Variants in DBNDD1 observed in about 807,000 individuals in gnomAD.
The protein encoded by DBNDD1 is dysbindin domain-containing protein 1.
In DBNDD1, 14 loss-of-function variants were observed where a neutral mutation model predicts 17.0. The ratio of observed to expected loss-of-function variants is 0.82; its 90% CI spans 0.54 to 1.29. DBNDD1 has a LOEUF of 1.29. Ranked by LOEUF, DBNDD1 falls within the 50% of genes most tolerant of loss-of-function variation. DBNDD1 has a pLI of 0.00. For synonymous variants in DBNDD1, 105 were observed against 102.0 expected (o/e 1.03, Z -0.18); for missense variants, 221 against 216.2 (o/e 1.02, Z -0.14).
upstream of DBNDD1, chr16:90,019,663 C>A: frequency 4.5e-6 from 2 of 448,838 alleles, no homozygotes; most frequent in Non-Finnish European, 3.9e-6. This position sits in a 1 kb window ranked among gnomAD's most constrained non-coding sequence, Gnocchi z 6.1. Flanking sequence ...CCGCCGCGGA[C>A]ACCACCGGGA....
At position 90,006,279 on chromosome 16, in the gene DBNDD1, A is replaced by T; in HGVS notation, c.*56T>A. The T allele has an allele frequency of 6.5e-7, 1 of 1,548,670 alleles. No homozygotes were observed. Among genetic ancestry groups the T allele is most frequent in the Non-Finnish European group, 8.7e-7 (1 of 1,145,294 alleles). On this transcript the variant is annotated 3_prime_UTR_variant, in exon 4 of 4. Transcript: ENST00000002501. ...TGTCTGCTGGGTCAGCACTGCCCAG[A>T]TCTGCCATCGTGTTCGGACCCCATC...
At chr16:90,016,216 G>T (rs1208917148) in intron 1 of DBNDD1, among the ~76,000 whole-genome samples, 1 of 152,154 alleles carries the variant, frequency 6.6e-6, no homozygotes, top group African/African-American at 2.4e-5. Flanking sequence ...TGCATTCCTG[G>T]GACCTAGCGC....
intron 1 of DBNDD1, among the ~76,000 whole-genome samples, chr16:90,014,787 T>C (rs1258084892): frequency 6.6e-6 from 1 of 151,958 alleles, no homozygotes. Flanking sequence ...GGCGGATCAC[T>C]TGAGGCCAGG....
At chr16:90,013,969 T>G (rs80129421) in intron 1 of DBNDD1, among the ~76,000 whole-genome samples, 2,429 of 151,106 alleles carry the variant, frequency 0.016, 68 homozygotes, top group African/African-American at 0.057. Flanking sequence ...AGAGTGCATT[T>G]GAGGACAGCT....
intron 1 of DBNDD1, among the ~76,000 whole-genome samples, chr16:90,013,144 CTG>C (rs2035583885): frequency 2.0e-5 from 3 of 151,172 alleles, no homozygotes; most frequent in Admixed American, 2.0e-4. Flanking sequence ...TGGTGCACAC[CTG>C]TGTGGCAGCT....
rs1352262212 is a variant in DBNDD1, at chr16:90,008,935, AG to A, written c.179-12del. On this transcript the variant is annotated splice_polypyrimidine_tract_variant and intron_variant, in intron 2 of 3. Coordinates refer to ENST00000002501, the MANE Select transcript of DBNDD1 (RefSeq NM_001042610.3). The stretch of plus-strand genomic sequence containing the variant: ...CGCTGCTCAGAGGCTCTGAGGGCAG[AG>A]GGGGTACAGTCAGCCCTCAGGCCCT... 8.4e-6 allele frequency: 13 copies of A among 1,544,956 alleles called. No homozygotes were observed. The highest frequency in any genetic ancestry group is 1.9e-5 in the Admixed American group (1 of 53,538).
At chr16:90,008,754 C>T (rs200200334) in intron 3 of DBNDD1, 30 bp downstream of exon 3, 1 of 1,579,668 alleles carries the variant, frequency 6.3e-7, no homozygotes, top group Non-Finnish European at 8.6e-7. Flanking sequence ...CCAGGCACAC[C>T]TCCCAGCCCA....
chr16:90,007,779 C>T (rs13331975), intron 3 of DBNDD1: 2,173 of 152,780 alleles, frequency 0.014, 16 homozygotes, highest in Non-Finnish European at 0.024. Flanking sequence ...GCAGCTGTGA[C>T]GGGGAAGTTG....
intron 2 of DBNDD1, 65 bp downstream of exon 2, chr16:90,009,219 G>C: frequency 1.3e-6 from 2 of 1,597,494 alleles, no homozygotes; most frequent in Non-Finnish European, 1.7e-6. Flanking sequence ...GGACCCTGCT[G>C]CCTTGTCTCT....
At chr16:90,009,696 A>G in intron 1 of DBNDD1, 2 of 631,004 alleles carry the variant, frequency 3.2e-6, no homozygotes, top group East Asian at 2.8e-5. Context: ...TTTGGTACGC[A>G]AGCACCCATG....
At chr16:90,012,136 T>G (rs974357123) in intron 1 of DBNDD1, among the ~76,000 whole-genome samples, 3 of 152,210 alleles carry the variant, frequency 2.0e-5, no homozygotes, top group Non-Finnish European at 2.9e-5. Flanking sequence ...CAGCCGGCCC[T>G]GAGGGTGCGG....
intron 3 of DBNDD1, among the ~76,000 whole-genome samples, chr16:90,008,210 A>AG (rs1202869533): frequency 0.024 from 135 of 5,546 alleles, 7 homozygotes; most frequent in Non-Finnish European, 0.035. Context: ...AAGGGGCCTC[A>AG]CCCCCCAAAC....
chr16:90,009,884 A>T, intron 1 of DBNDD1: 3 of 1,483,718 alleles, frequency 2.0e-6, no homozygotes, highest in Non-Finnish European at 2.8e-6. Context: ...CTGTGGACTG[A>T]CTTTTCCTTT....
At position 90,014,355 on chromosome 16, in the gene DBNDD1, G is replaced by C. The variant is rs143375973; in HGVS notation, c.32-4925C>G. ...TTGGCCAGGCTGGTCTTGAACTCCT[G>C]ACCTCATGATCCGCCCGCCTTGGCC... On this transcript the variant is annotated intron_variant, in intron 1 of 3. Transcript: ENST00000002501. Among the ~76,000 whole-genome samples, 640 of 152,124 alleles carry C rather than the reference G, an allele frequency of 4.2e-3. 2 individuals are homozygous for C. The highest frequency in any genetic ancestry group is 0.015 in the African/African-American group (616 of 41,522).
intron 1 of DBNDD1, among the ~76,000 whole-genome samples, chr16:90,014,723 G>T (rs181689100): frequency 1.3e-5 from 2 of 152,102 alleles, no homozygotes; most frequent in East Asian, 1.9e-4. Context: ...GTATCCTTTC[G>T]GCCGGGCGCG....
intron 1 of DBNDD1, among the ~76,000 whole-genome samples, chr16:90,013,769 CAT>C (rs1041676378): frequency 1.3e-5 from 2 of 152,198 alleles, no homozygotes; most frequent in African/African-American, 4.8e-5. Context: ...GGGGACATGG[CAT>C]AGACAAAATA....
rs189216082 is a variant in DBNDD1, at chr16:90,019,076, G to A, written c.31+235C>T. On this transcript the variant is annotated intron_variant, in intron 1 of 3. Coordinates refer to ENST00000002501, the MANE Select transcript of DBNDD1 (RefSeq NM_001042610.3). This position sits in a 1 kb window ranked among gnomAD's most constrained non-coding sequence, Gnocchi z 6.1. ...ACCCACCAAGGAGCGTGCCGGGCAC[G>A]GCTTCCCGGGCCGGGAGCGCAGAGA... 7.9e-3 allele frequency among the ~76,000 whole-genome samples: 1,203 copies of A among 152,308 alleles called. 19 individuals are homozygous for A. Among genetic ancestry groups the A allele is most frequent in the African/African-American group, 0.028 (1,158 of 41,586 alleles).
intron 2 of DBNDD1, 49 bp from the exon 3 acceptor site, chr16:90,008,973 G>T (rs1006545676): frequency 6.0e-6 from 9 of 1,502,828 alleles, no homozygotes; most frequent in Non-Finnish European, 7.1e-6. Flanking sequence ...CCACAAGGCT[G>T]CTCAGAGCCC....
chr16:90,009,185 C>T (rs900855788), intron 2 of DBNDD1, 99 bp downstream of exon 2: 23 of 1,530,566 alleles, frequency 1.5e-5, no homozygotes, highest in Middle Eastern at 2.3e-4. Context: ...CCTAGACCCC[C>T]CAGGGAGTGT....
Sources: gnomAD v4.1 joint callset for allele counts (sites outside exome capture counted in the v4.1 genomes callset) on GRCh38, gnomAD v4.1.1 for gene constraint, Gnocchi (gnomAD v3.1) non-coding constraint, MANE v1.5 for transcripts, NCBI Gene and HGNC (gene_info 2026-07-23, HGNC 2026-07-21) for gene names.